Variants in NR5A2 observed in about 807,000 individuals in gnomAD.
NR5A2 encodes the protein nuclear receptor subfamily 5 group A member 2.
A neutral mutation model predicts 62.7 loss-of-function variants in NR5A2; 26 were observed. That is an observed-to-expected ratio of 0.41 (90% CI 0.30 to 0.58). NR5A2 has a LOEUF of 0.58. NR5A2 is among the 20% of genes least tolerant of loss of function. The pLI is 0.22. For missense variants in NR5A2, 541 were observed against 669.1 expected, an observed-to-expected ratio of 0.81 and a Z score of 2.11; for synonymous variants, 246 against 241.7, an observed-to-expected ratio of 1.02 and a Z score of -0.16.
chr1:200,068,453 G>A (rs2821304), intron 5 of NR5A2, among the ~76,000 whole-genome samples: 74,887 of 151,280 alleles, frequency 0.5, 18,530 homozygotes, highest in African/African-American at 0.54. Context: ...TAGTCATTTG[G>A]AAAAAAAAAT....
intron 7 of NR5A2, among the ~76,000 whole-genome samples, chr1:200,163,259 C>T (rs12091338): frequency 0.043 from 3,437 of 79,354 alleles, 133 homozygotes; most frequent in African/African-American, 0.16. Context: ...AGCAGCATGT[C>T]AAAGGCAAAA....
Position 200,056,828 on chromosome 1 carries a change from C to T in NR5A2, c.1110+8010C>T, listed in dbSNP as rs143512966. 8.8e-3 allele frequency among the ~76,000 whole-genome samples: 1,339 copies of T among 152,158 alleles called. 9 individuals carry two copies. The highest frequency in any genetic ancestry group is 0.031 in the Middle Eastern group (9 of 294). On this transcript the variant is annotated intron_variant, in intron 5 of 7. Transcript: ENST00000367362. ...AACCATGGGGAGAACATGAGAATAG[C>T]GAGGCACACCCAAGAAATCCATGTT...
chr1:200,050,402 T>C (rs1001386692), intron 5 of NR5A2, among the ~76,000 whole-genome samples: 1 of 152,228 alleles, frequency 6.6e-6, no homozygotes, highest in African/African-American at 2.4e-5. Context: ...GGCAGGTTGT[T>C]AGATTCTCTG....
intron 6 of NR5A2, among the ~76,000 whole-genome samples, chr1:200,112,332 G>A (rs775733898): frequency 3.9e-5 from 6 of 152,120 alleles, no homozygotes; most frequent in Admixed American, 1.3e-4. Flanking sequence ...TTAACCCTCC[G>A]TTCTACAACT....
At chr1:200,103,222 C>T (rs1665475806) in intron 5 of NR5A2, among the ~76,000 whole-genome samples, 1 of 145,308 alleles carries the variant, frequency 6.9e-6, no homozygotes, top group Non-Finnish European at 1.5e-5. Flanking sequence ...TTCCCAGGTT[C>T]AAGCAATTCT....
rs993514016 is a variant in NR5A2, at chr1:200,048,011, G to C, written c.464-161G>C. Among the ~76,000 whole-genome samples the C allele has an allele frequency of 1.3e-5, 2 of 152,140 alleles. No homozygotes were observed. Among genetic ancestry groups the C allele is most frequent in the Non-Finnish European group, 2.9e-5 (2 of 68,030 alleles). ...TTGGAGGAAGGAATTCATAAATAAA[G>C]AGGACATGGTTTTTTGGGAAATCTT... is the stretch of plus-strand genomic sequence containing the variant. On this transcript the variant is annotated intron_variant, in intron 4 of 7. Coordinates refer to ENST00000367362, the MANE Select transcript of NR5A2 (RefSeq NM_205860.3). The surrounding 1 kb of genome is among the most constrained non-coding windows in gnomAD (Gnocchi z 4.8).
At chr1:200,103,628 T>C (rs558719402) in intron 5 of NR5A2, among the ~76,000 whole-genome samples, 3 of 152,294 alleles carry the variant, frequency 2.0e-5, no homozygotes, top group African/African-American at 7.2e-5. Context: ...GGCTCATATT[T>C]AAAAAATAAT....
chr1:200,090,542 A>G (rs1445652672), intron 5 of NR5A2, among the ~76,000 whole-genome samples: 4 of 152,248 alleles, frequency 2.6e-5, no homozygotes, highest in Admixed American at 2.0e-4. Context: ...TCCCTGGACC[A>G]TACTCGTAAA....
At chr1:200,125,219 C>T (rs2737686) in intron 7 of NR5A2, among the ~76,000 whole-genome samples, 55,902 of 152,044 alleles carry the variant, frequency 0.37, 11,000 homozygotes, top group South Asian at 0.45. Context: ...ATTTCTGTTC[C>T]AAGCAAATGC....
chr1:200,174,351 T>G lies in NR5A2; in HGVS notation c.*141T>G. ...AAAACTTGCTTTAAAGATATTGAAT[T>G]TAAAAAGGCATAATAATCAAATACT... On this transcript the variant is annotated 3_prime_UTR_variant, in exon 8 of 8. Transcript: ENST00000367362. 2 of 816,834 alleles carry G rather than the reference T, an allele frequency of 2.4e-6. No homozygotes were observed. Among genetic ancestry groups the G allele is most frequent in the Non-Finnish European group, 1.7e-6 (1 of 582,392 alleles). The allele number at this position is 816,834 out of a possible 1,614,324, so 50.6% of individuals were successfully genotyped here.
At chr1:200,055,817 CATTAAGCCATCT>C (rs1662887138) in intron 5 of NR5A2, among the ~76,000 whole-genome samples, 1 of 152,192 alleles carries the variant, frequency 6.6e-6, no homozygotes, top group African/African-American at 2.4e-5. Context: ...TCTCAAGGCA[CATTAAGCCATCT>C]ATTGCCAGTT....
At chr1:200,065,518 C>T (rs1341523635) in intron 5 of NR5A2, among the ~76,000 whole-genome samples, 1 of 152,222 alleles carries the variant, frequency 6.6e-6, no homozygotes, top group Admixed American at 6.5e-5. Flanking sequence ...ACCAAATCAT[C>T]CTTCCAGTAT....
chr1:200,040,954 C>T (rs1257513857), intron 2 of NR5A2, among the ~76,000 whole-genome samples: 1 of 152,208 alleles, frequency 6.6e-6, no homozygotes, highest in Non-Finnish European at 1.5e-5. Context: ...CTGTGAGAGT[C>T]CCCTAGAGCT....
intron 5 of NR5A2, among the ~76,000 whole-genome samples, chr1:200,099,625 G>C (rs191393031): frequency 1.4e-4 from 22 of 152,226 alleles, no homozygotes; most frequent in Admixed American, 1.2e-3. Flanking sequence ...ATGGAATCTT[G>C]CTCTGTCGCC....
intron 7 of NR5A2, among the ~76,000 whole-genome samples, chr1:200,135,057 A>G (rs1667149257): frequency 6.6e-6 from 1 of 152,218 alleles, no homozygotes; most frequent in African/African-American, 2.4e-5. Flanking sequence ...CAACATTGAA[A>G]GTTTAGTGAT....
At chr1:200,118,478 C>G (rs931746518) in intron 6 of NR5A2, among the ~76,000 whole-genome samples, 5 of 152,144 alleles carry the variant, frequency 3.3e-5, no homozygotes, top group African/African-American at 1.2e-4. Flanking sequence ...AACTTAACTG[C>G]CTTACTTAAA....
chr1:200,089,796 A>G (rs1664733425), intron 5 of NR5A2, among the ~76,000 whole-genome samples: 1 of 152,184 alleles, frequency 6.6e-6, no homozygotes, highest in Non-Finnish European at 1.5e-5. Flanking sequence ...CTGTCAAACA[A>G]CACATTCTCT....
chr1:200,157,084 A>G (rs1558173763), intron 7 of NR5A2, among the ~76,000 whole-genome samples: 1 of 152,214 alleles, frequency 6.6e-6, no homozygotes, highest in African/African-American at 2.4e-5. Context: ...TTCTTGTTCA[A>G]TTAAGTCATC....
At chr1:200,121,334 G>A (rs190679586) in intron 7 of NR5A2, among the ~76,000 whole-genome samples, 15 of 152,210 alleles carry the variant, frequency 9.9e-5, no homozygotes, top group Admixed American at 3.3e-4. Context: ...TGTGCCTTTC[G>A]TTTCAACTTG....
Sources: allele counts gnomAD v4.1 joint callset (sites outside exome capture counted in the v4.1 genomes callset), GRCh38; gene constraint gnomAD v4.1.1; non-coding constraint Gnocchi (gnomAD v3.1); transcripts MANE v1.5; gene names NCBI Gene and HGNC (gene_info 2026-07-23, HGNC 2026-07-21).